SCMH1: variants seen among roughly 807,000 people sequenced by gnomAD.
The protein encoded by SCMH1 is polycomb protein SCMH1.
A neutral mutation model predicts 70.8 loss-of-function variants in SCMH1; 37 were observed. That is an observed-to-expected ratio of 0.52 (90% CI 0.40 to 0.69). The LOEUF (loss-of-function observed/expected upper bound fraction) is 0.69. SCMH1 is among the 30% of genes least tolerant of loss of function. The pLI, the probability that SCMH1 is intolerant of heterozygous loss-of-function variation, is 0.00. For missense variants in SCMH1, 607 were observed against 827.3 expected (o/e 0.73, Z 3.27); for synonymous variants, 292 against 307.4 (o/e 0.95, Z 0.52).
intron 8 of SCMH1, among the ~76,000 whole-genome samples, chr1:41,092,780 C>T (rs892822307): frequency 2.6e-4 from 40 of 152,158 alleles, no homozygotes; most frequent in African/African-American, 9.4e-4. Context: ...AAATGCTCAT[C>T]ATCACTGGCC....
intron 4 of SCMH1, among the ~76,000 whole-genome samples, chr1:41,153,622 A>G (rs549332210): frequency 1.6e-4 from 24 of 152,198 alleles, no homozygotes; most frequent in African/African-American, 5.3e-4. Context: ...CTTAGGAAAC[A>G]CTCTATCACT....
intron 7 of SCMH1, among the ~76,000 whole-genome samples, chr1:41,114,452 T>A (rs1669954381): frequency 6.6e-6 from 1 of 152,198 alleles, no homozygotes; most frequent in Non-Finnish European, 1.5e-5. Context: ...TACTTTGTCA[T>A]TCTTCAATAT....
intron 4 of SCMH1, among the ~76,000 whole-genome samples, chr1:41,155,482 ACAAT>A (rs1263086808): frequency 1.3e-5 from 2 of 149,010 alleles, no homozygotes; most frequent in African/African-American, 2.5e-5. Flanking sequence ...AAACAAACAA[ACAAT>A]ATTTTGCTCC....
At chr1:41,235,569 TAAAAAAAAAAAAAA>T (rs61093555) in intron 1 of SCMH1, among the ~76,000 whole-genome samples, 2 of 43,086 alleles carry the variant, frequency 4.6e-5, no homozygotes, top group Middle Eastern at 0.016. Flanking sequence ...AGACTCCGTC[TAAAAAAAAAAAAAA>T]AAAAAAAAAA....
chr1:41,033,214 A>C (rs1644798519), intron 13 of SCMH1, among the ~76,000 whole-genome samples: 2 of 151,618 alleles, frequency 1.3e-5, no homozygotes, highest in Non-Finnish European at 2.9e-5. Context: ...TGAGCCCAGG[A>C]GGCTGAGGTT....
chr1:41,090,937 G>C (rs1386075322), intron 8 of SCMH1, among the ~76,000 whole-genome samples: 2 of 151,924 alleles, frequency 1.3e-5, no homozygotes, highest in African/African-American at 4.8e-5. Flanking sequence ...TACTTGGGAG[G>C]CTGAGGCAGG....
chr1:41,047,011 A>G (rs1001655704), intron 11 of SCMH1, among the ~76,000 whole-genome samples: 4 of 152,196 alleles, frequency 2.6e-5, no homozygotes, highest in Non-Finnish European at 5.9e-5. Flanking sequence ...ATAGCCAGCA[A>G]TGGTATGGGT....
chr1:41,064,651 C>T (rs1417450743), intron 10 of SCMH1, among the ~76,000 whole-genome samples: 1 of 152,076 alleles, frequency 6.6e-6, no homozygotes, highest in Non-Finnish European at 1.5e-5. Flanking sequence ...CACAATGGCT[C>T]CCTGTAATCC....
intron 8 of SCMH1, among the ~76,000 whole-genome samples, chr1:41,087,937 G>GGTGTGTGTGT (rs55721560): frequency 0.038 from 5,322 of 139,852 alleles, 204 homozygotes; most frequent in African/African-American, 0.082. Context: ...TATAGTTTCT[G>GGTGTGTGTGT]GTGTGTGTGT....
At chr1:41,202,234 C>A (rs1272260823) in intron 1 of SCMH1, among the ~76,000 whole-genome samples, 2 of 151,508 alleles carry the variant, frequency 1.3e-5, no homozygotes, top group Non-Finnish European at 2.9e-5. Context: ...CGGGGTTTCA[C>A]CATGTTGGCC....
At chr1:41,126,069 A>G (rs1304294704) in intron 6 of SCMH1, among the ~76,000 whole-genome samples, 1 of 152,210 alleles carries the variant, frequency 6.6e-6, no homozygotes, top group Non-Finnish European at 1.5e-5. Flanking sequence ...ATATTCTCCA[A>G]TTCAAATCCA....
intron 6 of SCMH1, among the ~76,000 whole-genome samples, chr1:41,138,696 A>C (rs536316370): frequency 8.6e-5 from 13 of 152,034 alleles, no homozygotes; most frequent in Non-Finnish European, 1.6e-4. Context: ...CTTGACTTTT[A>C]CAACCTATGA....
chr1:41,109,569 AAGTG>A (rs771672036), intron 8 of SCMH1, among the ~76,000 whole-genome samples: 79 of 152,236 alleles, frequency 5.2e-4, no homozygotes, highest in Non-Finnish European at 1.0e-3. Context: ...TGAGGGTGTA[AAGTG>A]TGGGAGGAGA....
intron 2 of SCMH1, among the ~76,000 whole-genome samples, chr1:41,179,999 C>T (rs1159778454): frequency 1.3e-5 from 2 of 152,302 alleles, no homozygotes; most frequent in East Asian, 3.9e-4. Context: ...AGCAGCACAT[C>T]AAAAAGCTTA....
chr1:41,117,452 C>T (rs554591325), intron 6 of SCMH1, among the ~76,000 whole-genome samples: 3 of 152,116 alleles, frequency 2.0e-5, no homozygotes, highest in East Asian at 1.9e-4. Context: ...GTGGTAGCGT[C>T]AGTGTCAAGG....
At chr1:41,226,722 A>T (rs1352604533) in intron 1 of SCMH1, among the ~76,000 whole-genome samples, 1 of 152,240 alleles carries the variant, frequency 6.6e-6, no homozygotes, top group Non-Finnish European at 1.5e-5. Flanking sequence ...GACATATATT[A>T]ATCAACCAAA....
At chr1:41,045,430 G>A (rs549614913) in intron 12 of SCMH1, among the ~76,000 whole-genome samples, 3 of 152,286 alleles carry the variant, frequency 2.0e-5, no homozygotes, top group African/African-American at 7.2e-5. Context: ...GGGGGAAGGA[G>A]AATGGGGGAA....
chr1:41,045,902 GT>G (rs1307283333), intron 12 of SCMH1: 1 of 152,712 alleles, frequency 6.5e-6, no homozygotes, highest in East Asian at 1.9e-4. Context: ...TTCCAGCCGA[GT>G]TAGAAATAGC....
intron 11 of SCMH1, 129 bp from the exon 12 acceptor site, chr1:41,046,727 T>C (rs1571434873): frequency 1.4e-6 from 1 of 713,886 alleles, no homozygotes; most frequent in Non-Finnish European, 2.4e-6. Flanking sequence ...TGCCCCACGT[T>C]TCCTCCCTCC....
Sources: gnomAD v4.1 joint callset for allele counts (sites outside exome capture counted in the v4.1 genomes callset) on GRCh38, gnomAD v4.1.1 for gene constraint, MANE v1.5 for transcripts, NCBI Gene and HGNC (gene_info 2026-07-23, HGNC 2026-07-21) for gene names.